Variants in MYRIP observed in about 807,000 individuals in gnomAD.
The protein encoded by MYRIP is myosin VIIA and Rab interacting protein.
MYRIP carries 49 observed loss-of-function variants against 98.0 expected under a neutral mutation model. The ratio of observed to expected loss-of-function variants is 0.50; its 90% CI spans 0.40 to 0.63. The LOEUF (loss-of-function observed/expected upper bound fraction) is 0.63. Among genes scored for constraint, MYRIP ranks in the 30% least tolerant of loss-of-function variants. The probability of loss-of-function intolerance (pLI) is 0.00; values close to 1 mark genes in which losing one functional copy is unlikely to be tolerated. For missense variants in MYRIP, 1,004 were observed against 1,058.2 expected, an observed-to-expected ratio of 0.95 and a Z score of 0.71; for synonymous variants, 404 against 409.5, an observed-to-expected ratio of 0.99 and a Z score of 0.16.
intron 3 of MYRIP, among the ~76,000 whole-genome samples, chr3:40,108,509 A>G (rs1949097647): frequency 6.6e-6 from 1 of 152,206 alleles, no homozygotes; most frequent in Non-Finnish European, 1.5e-5. Context: ...GAGTCTTTAC[A>G]AAAGGCTGAA....
intron 3 of MYRIP, among the ~76,000 whole-genome samples, chr3:40,046,680 A>G (rs1478010965): frequency 6.6e-6 from 1 of 151,376 alleles, no homozygotes; most frequent in Non-Finnish European, 1.5e-5. Flanking sequence ...GCAGACCGCT[A>G]TTGAAGCGGG....
intron 2 of MYRIP, among the ~76,000 whole-genome samples, chr3:39,945,485 A>AAAAAAAG: frequency 7.6e-6 from 1 of 132,066 alleles, no homozygotes; most frequent in East Asian, 2.8e-4. Context: ...TCAAAAAAAA[A>AAAAAAAG]AAAAAAGAAA....
At chr3:40,240,908 A>C (rs1302805096) in intron 12 of MYRIP, among the ~76,000 whole-genome samples, 1 of 152,154 alleles carries the variant, frequency 6.6e-6, no homozygotes, top group East Asian at 1.9e-4. Flanking sequence ...CTGAGGGTGG[A>C]ACAGTAGCAA....
intron 1 of MYRIP, among the ~76,000 whole-genome samples, chr3:39,869,534 T>G (rs1942722252): frequency 6.6e-6 from 1 of 152,200 alleles, no homozygotes; most frequent in South Asian, 2.1e-4. Flanking sequence ...ATTTAAAGCC[T>G]TTGCGTACTT....
intron 1 of MYRIP, among the ~76,000 whole-genome samples, chr3:39,866,649 T>G (rs904710817): frequency 2.0e-5 from 3 of 151,918 alleles, no homozygotes; most frequent in Non-Finnish European, 4.4e-5. Flanking sequence ...ATCTGTACAT[T>G]GAAAATTAAA....
At chr3:40,252,401 A>G (rs1016248570) in intron 16 of MYRIP, among the ~76,000 whole-genome samples, 2 of 152,192 alleles carry the variant, frequency 1.3e-5, no homozygotes, top group African/African-American at 4.8e-5. Flanking sequence ...AATCACTTTG[A>G]GCCAACTCTG....
At chr3:39,988,756 C>G (rs1376112579) in intron 2 of MYRIP, among the ~76,000 whole-genome samples, 1 of 151,480 alleles carries the variant, frequency 6.6e-6, no homozygotes, top group African/African-American at 2.4e-5. Flanking sequence ...CTTATTTCAG[C>G]AAGATGGTCT....
rs537631774 is a variant in MYRIP, at chr3:40,242,270, T to TCATCATCATCATCCCCAC, written c.2101-2163_2101-2146dup. ...CAATAAATTAATGCTGTCATCATCA[T>TCATCATCATCATCCCCAC]CATCATCATCATCCCCACCATCATC... On this transcript the variant is annotated intron_variant, in intron 12 of 16. Transcript: ENST00000302541. The TCATCATCATCATCCCCAC allele has an allele frequency of 2.6e-3, 403 of 152,422 alleles. 4 individuals are homozygous for TCATCATCATCATCCCCAC. The highest frequency in any genetic ancestry group is 9.4e-3 in the African/African-American group (390 of 41,562). 9.4% of individuals were successfully genotyped at this position (152,422 alleles called of 1,614,324 possible).
intron 1 of MYRIP, among the ~76,000 whole-genome samples, chr3:39,848,190 C>T (rs1942027405): frequency 6.6e-6 from 1 of 152,194 alleles, no homozygotes; most frequent in African/African-American, 2.4e-5. Flanking sequence ...GTGTTGTATC[C>T]TGCCTTCCTA....
intron 8 of MYRIP, among the ~76,000 whole-genome samples, chr3:40,176,645 C>T (rs548496600): frequency 1.9e-4 from 29 of 152,048 alleles, no homozygotes; most frequent in Non-Finnish European, 3.4e-4. Context: ...CAGGTGCTCA[C>T]GCCTGTAATC....
chr3:39,974,968 C>T (rs1057072510), intron 2 of MYRIP, among the ~76,000 whole-genome samples: 1 of 152,090 alleles, frequency 6.6e-6, no homozygotes, highest in Non-Finnish European at 1.5e-5. Flanking sequence ...AGAAGCATTC[C>T]CTTAGAAAAC....
intron 2 of MYRIP, among the ~76,000 whole-genome samples, chr3:40,028,270 A>T (rs1335701349): frequency 6.6e-6 from 1 of 152,146 alleles, no homozygotes; most frequent in African/African-American, 2.4e-5. Flanking sequence ...ACTACACCAG[A>T]TGTAAGAAGA....
At chr3:39,891,187 T>G (rs1049901553) in intron 1 of MYRIP, among the ~76,000 whole-genome samples, 1 of 148,676 alleles carries the variant, frequency 6.7e-6, no homozygotes, top group Non-Finnish European at 1.5e-5. Context: ...AATCAGCCTG[T>G]TTTTTTTTAA....
intron 2 of MYRIP, among the ~76,000 whole-genome samples, chr3:39,960,610 T>TA (rs1227512434): frequency 1.3e-5 from 2 of 152,172 alleles, no homozygotes; most frequent in Non-Finnish European, 2.9e-5. Flanking sequence ...TTTCTACAGT[T>TA]AAACTAGCAT....
At chr3:40,122,972 C>G (rs1160266572) in intron 3 of MYRIP, among the ~76,000 whole-genome samples, 1 of 152,046 alleles carries the variant, frequency 6.6e-6, no homozygotes, top group African/African-American at 2.4e-5. Flanking sequence ...TATTTCACCA[C>G]CCAGGTAATA....
chr3:40,252,299 T>A (rs1953401700), intron 16 of MYRIP, among the ~76,000 whole-genome samples: 1 of 152,186 alleles, frequency 6.6e-6, no homozygotes, highest in Admixed American at 6.5e-5. Flanking sequence ...AGTCGTAACA[T>A]GGTAAGTGTA....
chr3:40,085,022 ATATC>A (rs1019904849), intron 3 of MYRIP, among the ~76,000 whole-genome samples: 2 of 150,632 alleles, frequency 1.3e-5, no homozygotes, highest in African/African-American at 2.4e-5. Context: ...TAGATAATAT[ATATC>A]TATGTGTTAT....
intron 3 of MYRIP, among the ~76,000 whole-genome samples, chr3:40,044,647 G>C (rs569552129): frequency 4.7e-4 from 72 of 152,246 alleles, no homozygotes; most frequent in African/African-American, 1.6e-3. Flanking sequence ...TGGTGAATTA[G>C]GCCAATTATG....
Position 40,209,909 on chromosome 3 carries a change from C to T in MYRIP, c.1721C>T (p.Thr574Ile). Residue 574 changes from threonine to isoleucine, a missense_variant, in exon 11 of 17, where the codon ACT becomes ATT. Thr to Ile is a moderately conservative substitution (Grantham distance 89). Around this residue, in one of 3 missense-constraint regions of MYRIP, gnomAD observed 880 missense variants for 907.7 expected, o/e 0.97. Transcript: ENST00000302541. ...DISNEARDPQ[T>I]LTDTTEEKRR... ...AGCAATGAGGCTCGGGATCCCCAGA[C>T]TCTCACAGACACCACAGAGGAGAAA... 1 of 1,613,984 alleles carries T rather than the reference C, an allele frequency of 6.2e-7. No homozygotes were observed. The highest frequency in any genetic ancestry group is 1.7e-5 in the Admixed American group (1 of 59,996).
Sources: gnomAD v4.1 joint callset for allele counts (sites outside exome capture counted in the v4.1 genomes callset) on GRCh38, gnomAD v4.1.1 for gene constraint, gnomAD v4.1.1 regional missense constraint, MANE v1.5 for transcripts, NCBI Gene and HGNC (gene_info 2026-07-23, HGNC 2026-07-21) for gene names.